The following AHCTF1 variants were observed in gnomAD, a reference collection of about 807,000 sequenced individuals.
The protein encoded by AHCTF1 is AT-hook containing transcription factor 1.
AHCTF1 carries 24 observed loss-of-function variants against 248.4 expected under a neutral mutation model. The ratio of observed to expected loss-of-function variants is 0.10; its 90% CI spans 0.07 to 0.14. AHCTF1 has a LOEUF of 0.14. Ranked by LOEUF, AHCTF1 falls within the 10% of genes least tolerant of loss-of-function variation. AHCTF1 has a pLI of 1.00. For synonymous variants in AHCTF1, 786 were observed against 929.8 expected (o/e 0.85, Z 2.81); for missense variants, 2,206 against 2,636.2 (o/e 0.84, Z 3.57).
intron 6 of AHCTF1, among the ~76,000 whole-genome samples, chr1:246,904,959 T>C (rs1572445377): frequency 6.6e-6 from 1 of 152,186 alleles, no homozygotes; most frequent in South Asian, 2.1e-4. Flanking sequence ...GGTACTGAGA[T>C]TGAGAACAAG....
At position 246,855,804 on chromosome 1, in the gene AHCTF1, T is replaced by C; in HGVS notation, c.4280A>G (p.Lys1427Arg). 1 of 1,613,098 alleles carries C rather than the reference T, an allele frequency of 6.2e-7. No individual in the cohort carries two copies. The highest frequency in any genetic ancestry group is 1.1e-5 in the South Asian group (1 of 90,846). The change falls in exon 31 of 36, where the codon AAG becomes AGG. Residue 1427 changes from lysine to arginine, a missense_variant. Transcript: ENST00000648844. ...YEGKIFTQKSKVPVLDEGLTS... is the reference protein window; with the variant it reads ...YEGKIFTQKSRVPVLDEGLTS... The stretch of plus-strand genomic sequence containing the variant: ...TAATCCTTCGTCCAACACTGGTACC[T>C]TGGACTTCTGGGTGAAGATTTTCCT...
chr1:246,918,664 T>A (rs1666315504), intron 1 of AHCTF1, among the ~76,000 whole-genome samples: 1 of 152,204 alleles, frequency 6.6e-6, no homozygotes, highest in African/African-American at 2.4e-5. Flanking sequence ...CAAAATCCAG[T>A]CTTAAAAACA....
At position 246,855,805 on chromosome 1, in the gene AHCTF1, T is replaced by C. The variant is rs771413639; in HGVS notation, c.4279A>G (p.Lys1427Glu). Reference protein sequence around the residue: ...YEGKIFTQKSKVPVLDEGLTS... With the variant: ...YEGKIFTQKSEVPVLDEGLTS... ...AATCCTTCGTCCAACACTGGTACCT[T>C]GGACTTCTGGGTGAAGATTTTCCTT... Residue 1427 changes from lysine to glutamate, a missense_variant, in exon 31 of 36, where the codon AAG becomes GAG. Physicochemically the swap from Lys to Glu is moderately conservative, Grantham distance 56. Coordinates refer to ENST00000648844, the MANE Select transcript of AHCTF1 (RefSeq NM_001323342.2). 5.6e-6 allele frequency: 9 copies of C among 1,613,108 alleles called. No individual in the cohort carries two copies. The East Asian group carries it at 2.0e-4, about 36-fold the overall frequency.
intron 29 of AHCTF1, among the ~76,000 whole-genome samples, chr1:246,858,104 T>C (rs1242159430): frequency 6.6e-6 from 1 of 151,962 alleles, no homozygotes; most frequent in African/African-American, 2.4e-5. Context: ...GCACTACAGA[T>C]GCCCGCCACC....
At position 246,899,486 on chromosome 1, in the gene AHCTF1, C is replaced by T; in HGVS notation, c.1459G>A (p.Val487Ile). 6.2e-7 allele frequency: 1 copy of T among 1,609,478 alleles called. No individual in the cohort carries two copies. Residue 487 changes from valine (V) to isoleucine (I), a missense_variant, in exon 11 of 36, where the codon GTT (valine) becomes ATT (isoleucine). Around this residue, in one of 6 missense-constraint regions of AHCTF1, gnomAD observed 650 missense variants for 870.8 expected, o/e 0.75. Coordinates refer to ENST00000648844, the MANE Select transcript of AHCTF1 (RefSeq NM_001323342.2). ...AAGCCAGTACAAGTTAAATGAACAA[C>T]TCCCGAGTTTAACAAACAAGTGGCA... ...FDATCLLNSG[V>I]VHLTCTGFQK...
At position 246,850,260 on chromosome 1, in the gene AHCTF1, T is replaced by G. The variant is rs150710000; in HGVS notation, c.5746A>C (p.Asn1916His). ...TTATCATCTTGCTTATTTCCTGTAT[T>G]TTCAGAAGCATCTAAATTAGTACTT... ...LRSTNLDASE[N>H]TGNKQDDKSS... Residue 1916 changes from asparagine to histidine, a missense_variant, in exon 33 of 36, where the codon AAT (asparagine) becomes CAT (histidine). Physicochemically the swap from Asn to His is moderately conservative, Grantham distance 68. This residue lies in a region of AHCTF1 where 469 missense variants were observed against 470.0 expected (regional missense o/e 1.00). Coordinates refer to ENST00000648844, the MANE Select transcript of AHCTF1 (RefSeq NM_001323342.2). 3.2e-5 allele frequency: 51 copies of G among 1,613,854 alleles called. No individual in the cohort carries two copies. The highest frequency in any genetic ancestry group is 3.2e-5 in the Non-Finnish European group (38 of 1,179,868).
In AHCTF1 at chr1:246,890,976, C is replaced by T. The variant is rs1664173917; in HGVS notation, c.2030G>A (p.Gly677Glu). ...AQVVLWFSHS[G>E]LLPEGIDDSV... ...TTTACCTATGCCTTCTGGTAAAAGC[C>T]CAGAATGAGAGAACCAAAGAACCAC... The change falls in exon 16 of 36, where the codon GGG becomes GAG. Residue 677 changes from glycine (G) to glutamate (E), a missense_variant. Around this residue, in one of 6 missense-constraint regions of AHCTF1, gnomAD observed 650 missense variants for 870.8 expected, o/e 0.75. Transcript: ENST00000648844. The T allele has an allele frequency of 2.0e-6, 3 of 1,535,728 alleles. No homozygotes were observed. The East Asian group carries it at 7.1e-5, about 36-fold the overall frequency.
intron 33 of AHCTF1, among the ~76,000 whole-genome samples, chr1:246,847,201 ATTGT>A (rs1044440619): frequency 1.3e-5 from 2 of 151,470 alleles, no homozygotes; most frequent in African/African-American, 4.9e-5. Flanking sequence ...AGGCAGGAGA[ATTGT>A]TTGAACTCAG....
In AHCTF1 at chr1:246,841,277, G is replaced by GA. The variant is rs567848254; in HGVS notation, c.6609-280dup. On this transcript the variant is annotated intron_variant, in intron 35 of 35. Coordinates refer to ENST00000648844, the MANE Select transcript of AHCTF1 (RefSeq NM_001323342.2). The stretch of plus-strand genomic sequence containing the variant: ...TTTCCTCTAAATGTTTCAAATGTAT[G>GA]AAAAAATACTGCTGGATTACAAGGA... Among the ~76,000 whole-genome samples the GA allele has an allele frequency of 4.0e-3, 606 of 152,232 alleles. 4 individuals carry two copies. The highest frequency in any genetic ancestry group is 0.013 in the African/African-American group (554 of 41,516).
chr1:246,915,345 TA>T (rs1397548331), intron 3 of AHCTF1, among the ~76,000 whole-genome samples: 1 of 151,784 alleles, frequency 6.6e-6, no homozygotes, highest in Non-Finnish European at 1.5e-5. Flanking sequence ...AAAAAAAAAT[TA>T]CTTCACCGTT....
chr1:246,920,977 A>T (rs1666506659), intron 1 of AHCTF1, among the ~76,000 whole-genome samples: 1 of 151,714 alleles, frequency 6.6e-6, no homozygotes, highest in Non-Finnish European at 1.5e-5. Context: ...CTGTAATCTC[A>T]GCTACTCAGG....
chr1:246,877,662 C>G (rs368702933), intron 21 of AHCTF1, among the ~76,000 whole-genome samples: 1 of 152,036 alleles, frequency 6.6e-6, no homozygotes, highest in Admixed American at 6.6e-5. Context: ...GGGAAGCGTG[C>G]GAAAGACTGA....
At chr1:246,842,613 TAAAAG>T in intron 35 of AHCTF1, 76 bp downstream of exon 35, 1 of 1,038,166 alleles carries the variant, frequency 9.6e-7, no homozygotes, top group Non-Finnish European at 1.3e-6. Context: ...AATAAAATAA[TAAAAG>T]GAGGATAGTA....
chr1:246,859,575 T>C (rs924650615), intron 29 of AHCTF1, among the ~76,000 whole-genome samples: 9 of 152,084 alleles, frequency 5.9e-5, no homozygotes, highest in African/African-American at 2.2e-4. Flanking sequence ...AAAATAATAT[T>C]TTTTTTCTTT....
chr1:246,889,238 G>A (rs1446688308), intron 17 of AHCTF1, among the ~76,000 whole-genome samples: 1 of 152,006 alleles, frequency 6.6e-6, no homozygotes, highest in Non-Finnish European at 1.5e-5. Flanking sequence ...ATGATGCAAC[G>A]TGCAGGTATG....
intron 21 of AHCTF1, among the ~76,000 whole-genome samples, chr1:246,879,949 CA>C (rs1206625799): frequency 6.6e-6 from 1 of 151,954 alleles, no homozygotes; most frequent in Admixed American, 6.6e-5. Context: ...AAATTAGCAC[CA>C]AACTAAAGTG....
intron 12 of AHCTF1, 58 bp downstream of exon 12, chr1:246,898,150 T>C (rs1310614155): frequency 3.8e-6 from 6 of 1,599,240 alleles, no homozygotes; most frequent in South Asian, 3.4e-5. Context: ...TTTACTGTAA[T>C]AGAAAGCTAA....
chr1:246,896,123 T>G (rs888734685), intron 12 of AHCTF1, among the ~76,000 whole-genome samples, 198 bp from the exon 13 acceptor site: 1 of 152,162 alleles, frequency 6.6e-6, no homozygotes, highest in Non-Finnish European at 1.5e-5. Flanking sequence ...CTGGTGGGAA[T>G]GTAAAATGGA....
chr1:246,861,226 A>G lies in AHCTF1; in HGVS notation c.3805T>C (p.Trp1269Arg), dbSNP rs368754778. Residue 1269 changes from tryptophan (W) to arginine (R), a missense_variant, in exon 29 of 36, where the codon TGG (tryptophan) becomes CGG (arginine). Physicochemically the swap from Trp to Arg is moderately radical, Grantham distance 101. This residue lies in a region of AHCTF1 where 955 missense variants were observed against 1,055.6 expected (regional missense o/e 0.90). Transcript: ENST00000648844. ...KKCAVPVETE[W>R]LKSKDRTTSF... is the part of the protein sequence containing the mutation. ...GTGGTCCTATCTTTGCTCTTCAGCCATTCAGTTTCCACTGGAACTGCACAT... is the reference window on the plus strand; with the variant it reads ...GTGGTCCTATCTTTGCTCTTCAGCCGTTCAGTTTCCACTGGAACTGCACAT... The G allele has an allele frequency of 8.1e-6, 13 of 1,613,518 alleles. No homozygotes were observed. The African/African-American group carries it at 1.7e-4, about 21-fold the overall frequency.
Sources: gnomAD v4.1 joint callset for allele counts (sites outside exome capture counted in the v4.1 genomes callset) on GRCh38, gnomAD v4.1.1 for gene constraint, gnomAD v4.1.1 regional missense constraint, MANE v1.5 for transcripts, NCBI Gene and HGNC (gene_info 2026-07-23, HGNC 2026-07-21) for gene names.